The following A2ML1 variants were observed in gnomAD, a reference collection of about 807,000 sequenced individuals.
A2ML1 encodes the protein alpha-2-macroglobulin like 1.
Under a neutral mutation model 181.9 loss-of-function variants are expected in A2ML1, and 161 were observed. That is an observed-to-expected ratio of 0.89 (90% confidence interval 0.78 to 1.01). A2ML1 has a LOEUF of 1.01. Among genes scored for constraint, A2ML1 ranks in the 50% least tolerant of loss-of-function variants. A2ML1 has a pLI of 0.00. For synonymous variants in A2ML1, 663 were observed against 666.8 expected, an observed-to-expected ratio of 0.99 and a Z score of 0.09; for missense variants, 1,670 against 1,768.1, an observed-to-expected ratio of 0.94 and a Z score of 1.00.
intron 28 of A2ML1, among the ~76,000 whole-genome samples, chr12:8,863,188 C>T (rs1296470885): frequency 4.6e-5 from 7 of 151,778 alleles, no homozygotes; most frequent in Non-Finnish European, 1.0e-4. Flanking sequence ...TTCACCGCAA[C>T]CTCCACCTCC....
intron 12 of A2ML1, 54 bp from the exon 13 acceptor site, chr12:8,845,388 A>C: frequency 1.3e-6 from 2 of 1,593,674 alleles, no homozygotes; most frequent in African/African-American, 2.7e-5. Context: ...AAGTTGGTCC[A>C]AGGTGAAATT....
At chr12:8,868,654 A>C (rs1278469896) in intron 32 of A2ML1, 27 bp downstream of exon 32, 2 of 1,606,036 alleles carry the variant, frequency 1.2e-6, no homozygotes, top group Non-Finnish European at 1.7e-6. Flanking sequence ...TTCTTCATTT[A>C]TCTAGCTGTG....
At chr12:8,886,239 C>A (rs1944920646) in intron 7 of A2ML1, among the ~76,000 whole-genome samples, 1 of 152,154 alleles carries the variant, frequency 6.6e-6, no homozygotes. Flanking sequence ...AGATGACTGA[C>A]ATCTTTATAA....
rs201215628 is a variant in A2ML1 at position 8,837,525 on chromosome 12, C to T, written c.814C>T (p.Arg272Trp). The part of the protein sequence containing the change: ...ANTYWYREVE[R>W]EQLPDKCRNL... ...TACTTACTGGTATCGAGAGGTGGAA[C>T]GGGAACAGCTTCCTGACAAATGCAG... Residue 272 changes from arginine (R) to tryptophan (W), a missense_variant, in exon 8 of 36, where the codon CGG becomes TGG. Physicochemically the swap from Arg to Trp is moderately radical, Grantham distance 101 (BLOSUM62 -3). Transcript: ENST00000299698. 3.5e-4 allele frequency: 570 copies of T among 1,613,698 alleles called. 1 individual carries two copies. Among genetic ancestry groups the T allele is most frequent in the Middle Eastern group, 4.9e-4 (3 of 6,082 alleles).
At chr12:8,871,487 T>G (rs1455717550) in intron 33 of A2ML1, among the ~76,000 whole-genome samples, 1 of 152,072 alleles carries the variant, frequency 6.6e-6, no homozygotes, top group Non-Finnish European at 1.5e-5. Flanking sequence ...TGTTTAGTAT[T>G]TTTTTGGTAG....
At position 8,850,038 on chromosome 12, in the gene A2ML1, G is replaced by A. The variant is rs984155234; in HGVS notation, c.2120-122G>A. On this transcript the variant is annotated intron_variant, in intron 17 of 35. Coordinates refer to ENST00000299698, the MANE Select transcript of A2ML1 (RefSeq NM_144670.6). Reference sequence around the variant, plus strand: ...AGTTCCTCTTTGGTCCTTCCTCCTTGCCTCTGACTGGATGTTCTCTGCTTC... The same window carrying A: ...AGTTCCTCTTTGGTCCTTCCTCCTTACCTCTGACTGGATGTTCTCTGCTTC... 1.8e-4 allele frequency: 139 copies of A among 783,470 alleles called. 2 individuals carry two copies. Among genetic ancestry groups the A allele is most frequent in the South Asian group, 1.6e-3 (90 of 55,752 alleles). 48.5% of individuals were successfully genotyped at this position (783,470 alleles called of 1,614,324 possible).
chr12:8,878,879 C>T (rs142147290), downstream of A2ML1, among the ~76,000 whole-genome samples: 110 of 152,280 alleles, frequency 7.2e-4, no homozygotes, highest in African/African-American at 2.5e-3. This position sits in a 1 kb window ranked among gnomAD's most constrained non-coding sequence, Gnocchi z 4.4. Flanking sequence ...GGGAGAATCG[C>T]TTGAACCCAG....
downstream of A2ML1, chr12:8,880,471 T>A (rs1026501748): frequency 6.6e-6 from 1 of 151,958 alleles, no homozygotes; most frequent in Non-Finnish European, 1.5e-5. Flanking sequence ...GTGGGTAGTG[T>A]CTCCTCAAAG....
At chr12:8,839,309 C>A (rs1407212857) in intron 10 of A2ML1, 87 bp downstream of exon 10, 2 of 854,100 alleles carry the variant, frequency 2.3e-6, no homozygotes, top group East Asian at 2.6e-5. Context: ...ACATAGCTAA[C>A]TTAGTGCTGT....
intron 4 of A2ML1, among the ~76,000 whole-genome samples, chr12:8,832,448 T>A (rs1040247419): frequency 6.6e-6 from 1 of 152,228 alleles, no homozygotes; most frequent in Non-Finnish European, 1.5e-5. Context: ...GGGAAAGGGC[T>A]GTTATCAATT....
chr12:8,885,976 T>C (rs1894815), intron 7 of A2ML1, among the ~76,000 whole-genome samples: 58,729 of 150,848 alleles, frequency 0.39, 11,961 homozygotes, highest in Admixed American at 0.46. Flanking sequence ...CTGTTTTGTC[T>C]CATTGTTTAC....
intron 6 of A2ML1, 74 bp downstream of exon 6, chr12:8,835,740 G>T (rs1001670164): frequency 1.9e-6 from 3 of 1,578,182 alleles, no homozygotes; most frequent in African/African-American, 2.7e-5. Context: ...GGAGCCGGGC[G>T]CAGTGGCTCA....
chr12:8,862,604 C>T (rs1195926763), intron 28 of A2ML1, among the ~76,000 whole-genome samples: 1 of 152,210 alleles, frequency 6.6e-6, no homozygotes, highest in African/African-American at 2.4e-5. Flanking sequence ...TAAAATTATT[C>T]TTCCAGGCAG....
At chr12:8,832,693 G>C (rs1943154733) in intron 4 of A2ML1, among the ~76,000 whole-genome samples, 2 of 152,180 alleles carry the variant, frequency 1.3e-5, no homozygotes, top group South Asian at 4.1e-4. Flanking sequence ...GGAAAAGGCT[G>C]TCGATTGTTC....
intron 7 of A2ML1, 125 bp downstream of exon 7, chr12:8,836,464 C>A: frequency 1.4e-4 from 81 of 591,680 alleles, no homozygotes; most frequent in Middle Eastern, 2.9e-4. Context: ...AATTCAGAGT[C>A]ATGGCTTATC....
intron 3 of A2ML1, among the ~76,000 whole-genome samples, chr12:8,827,967 T>A (rs1348621444): frequency 6.6e-6 from 1 of 152,198 alleles, no homozygotes; most frequent in African/African-American, 2.4e-5. Flanking sequence ...AAACAGAGTT[T>A]CTCTCTTTGT....
In A2ML1 at chr12:8,861,149, T is replaced by A; in HGVS notation, c.3354T>A (p.Ser1118Arg). 6.2e-7 allele frequency: 1 copy of A among 1,614,102 alleles called. No homozygotes were observed. Among genetic ancestry groups the A allele is most frequent in the Non-Finnish European group, 8.5e-7 (1 of 1,180,018 alleles). ...TCACTTTTTAGGACCCAATGGTGAG[T>A]CAGGGTCTACGGTGTCTCAAGAATT... is the stretch of plus-strand genomic sequence containing the variant. ...MGKDVDDPMV[S>R]QGLRCLKNSA... Residue 1118 changes from serine to arginine, a missense_variant, in exon 28 of 36, where the codon AGT becomes AGA. By Grantham distance (110) the Ser-to-Arg change is moderately radical. Coordinates refer to ENST00000299698, the MANE Select transcript of A2ML1 (RefSeq NM_144670.6).
At position 8,868,530 on chromosome 12, in the gene A2ML1, C is replaced by A. The variant is rs1424344797; in HGVS notation, c.4062-7C>A. 6.2e-7 allele frequency: 1 copy of A among 1,613,350 alleles called. No homozygotes were observed. Reference sequence around the variant, plus strand: ...GCTCACATGTGTTTTCTTCTTCCTGCTCTCAGTTATGTGGGGAGCCGTAGC... The same window carrying A: ...GCTCACATGTGTTTTCTTCTTCCTGATCTCAGTTATGTGGGGAGCCGTAGC... On this transcript the variant is annotated splice_polypyrimidine_tract_variant and splice_region_variant and intron_variant, in intron 31 of 35. Transcript: ENST00000299698.
rs138440671 is a variant in A2ML1, at chr12:8,826,662, G to A, written c.409+2780G>A. Among the ~76,000 whole-genome samples, 418 of 152,194 alleles carry A rather than the reference G, an allele frequency of 2.7e-3. 2 individuals are homozygous for A. Among genetic ancestry groups the A allele is most frequent in the African/African-American group, 6.6e-3 (274 of 41,532 alleles). On this transcript the variant is annotated intron_variant, in intron 3 of 35. Transcript: ENST00000299698. Reference sequence around the variant, plus strand: ...TTTTGAGATGGAGTCTCATTCTGCCGCGCAGGCTGGAATGCAATAAATGGT... The same window carrying A: ...TTTTGAGATGGAGTCTCATTCTGCCACGCAGGCTGGAATGCAATAAATGGT...
Sources: allele counts gnomAD v4.1 joint callset (sites outside exome capture counted in the v4.1 genomes callset), GRCh38; gene constraint gnomAD v4.1.1; non-coding constraint Gnocchi (gnomAD v3.1); transcripts MANE v1.5; gene names NCBI Gene and HGNC (gene_info 2026-07-23, HGNC 2026-07-21).